PRKG2: variants seen among roughly 807,000 people sequenced by gnomAD.
PRKG2 encodes cGMP-dependent protein kinase 2.
PRKG2 carries 33 observed loss-of-function variants against 97.2 expected under a neutral mutation model. The observed-to-expected ratio is 0.34, with a 90% CI of 0.26 to 0.45. The LOEUF (loss-of-function observed/expected upper bound fraction) is 0.45, where lower values mean the gene tolerates loss of function less well. Ranked by LOEUF, PRKG2 falls within the 20% of genes least tolerant of loss-of-function variation. The pLI is 1.00. For missense variants in PRKG2, 638 were observed against 900.0 expected (o/e 0.71, Z 3.73); for synonymous variants, 330 against 321.8 (o/e 1.03, Z -0.27).
intron 8 of PRKG2, among the ~76,000 whole-genome samples, chr4:81,149,742 C>T (rs142992523): frequency 6.6e-6 from 1 of 152,170 alleles, no homozygotes; most frequent in Non-Finnish European, 1.5e-5. Flanking sequence ...ATCCACAAGG[C>T]ACCCAGTGCT....
intron 15 of PRKG2, 107 bp from the exon 16 acceptor site, chr4:81,106,042 C>A (rs1291495349): frequency 4.7e-6 from 6 of 1,284,836 alleles, no homozygotes; most frequent in South Asian, 1.5e-5. Flanking sequence ...TCTTTCATTT[C>A]TTCCTCTCTC....
rs1487551829 is a variant in PRKG2 at position 81,152,055 on chromosome 4, C to T, written c.991-1G>A. 1 of 1,603,474 alleles carries T rather than the reference C, an allele frequency of 6.2e-7. No homozygotes were observed. ...CTTCTGTGCTCTGTGTTACTTTTAC[C>T]TAAACAATGTTAAGCAATACAAACA... On this transcript the variant is annotated splice_acceptor_variant, in intron 7 of 18. Coordinates refer to ENST00000264399, the MANE Select transcript of PRKG2 (RefSeq NM_006259.3). LOFTEE classifies it high-confidence loss of function.
chr4:81,145,018 T>C (rs1286007592), intron 9 of PRKG2, among the ~76,000 whole-genome samples: 4 of 152,080 alleles, frequency 2.6e-5, no homozygotes, highest in African/African-American at 4.8e-5. Context: ...TGTTGGACAT[T>C]TGGGTTGGTT....
At chr4:81,127,059 G>T (rs1166917863) in intron 14 of PRKG2, among the ~76,000 whole-genome samples, 30 of 152,124 alleles carry the variant, frequency 2.0e-4, no homozygotes. Context: ...GTAAGGAAGG[G>T]GTCCAGTTTC....
At chr4:81,099,961 C>T (rs1420578219) in intron 17 of PRKG2, among the ~76,000 whole-genome samples, 2 of 152,068 alleles carry the variant, frequency 1.3e-5, no homozygotes, top group African/African-American at 2.4e-5. Context: ...CTCCCATTCA[C>T]AATTGCTTCA....
At chr4:81,110,717 T>C in intron 14 of PRKG2, 106 bp from the exon 15 acceptor site, 1 of 1,087,716 alleles carries the variant, frequency 9.2e-7, no homozygotes, top group Non-Finnish European at 1.4e-6. Context: ...CACCCTTCTT[T>C]TTATACCATG....
intron 2 of PRKG2, 68 bp from the exon 3 acceptor site, chr4:81,175,027 T>G: frequency 7.3e-7 from 1 of 1,372,556 alleles, no homozygotes; most frequent in Non-Finnish European, 9.9e-7. Context: ...TAGATTCACT[T>G]TATTCTGATT....
chr4:81,211,710 T>G (rs1022452943), intron 1 of PRKG2, among the ~76,000 whole-genome samples: 2 of 152,104 alleles, frequency 1.3e-5, no homozygotes, highest in African/African-American at 4.8e-5. Flanking sequence ...CACTATTTAA[T>G]GACTTGAACT....
intron 14 of PRKG2, among the ~76,000 whole-genome samples, chr4:81,127,034 A>T (rs987689810): frequency 6.6e-6 from 1 of 152,082 alleles, no homozygotes; most frequent in Non-Finnish European, 1.5e-5. Flanking sequence ...TCTTGAGTTA[A>T]TTTTTGTATA....
intron 1 of PRKG2, among the ~76,000 whole-genome samples, chr4:81,207,121 G>A (rs1164919447): frequency 6.6e-6 from 1 of 152,166 alleles, no homozygotes; most frequent in African/African-American, 2.4e-5. Context: ...GGACATACTT[G>A]TACCTTGAAT....
At chr4:81,180,015 C>T (rs1751270729) in intron 2 of PRKG2, among the ~76,000 whole-genome samples, 1 of 152,116 alleles carries the variant, frequency 6.6e-6, no homozygotes, top group Admixed American at 6.6e-5. Flanking sequence ...CACCTGTAAT[C>T]CCAGCTACTC....
chr4:81,141,208 A>G (rs1747251155), intron 11 of PRKG2, among the ~76,000 whole-genome samples: 1 of 151,980 alleles, frequency 6.6e-6, no homozygotes, highest in Non-Finnish European at 1.5e-5. Context: ...GTGGGGCCTC[A>G]CTATGTTGCT....
chr4:81,159,468 G>A (rs1324610973), intron 6 of PRKG2, among the ~76,000 whole-genome samples: 1 of 152,120 alleles, frequency 6.6e-6, no homozygotes, highest in African/African-American at 2.4e-5. Flanking sequence ...AACAGGTGCT[G>A]GAGAGGATGT....
intron 14 of PRKG2, among the ~76,000 whole-genome samples, chr4:81,134,935 C>T (rs1393984398): frequency 6.6e-6 from 1 of 151,896 alleles, no homozygotes; most frequent in Non-Finnish European, 1.5e-5. Flanking sequence ...TTATGTGAAC[C>T]TTCAGTAGGA....
intron 17 of PRKG2, among the ~76,000 whole-genome samples, chr4:81,103,116 G>A (rs1222569491): frequency 6.6e-6 from 1 of 152,114 alleles, no homozygotes; most frequent in Non-Finnish European, 1.5e-5. Flanking sequence ...AAACCTGAAG[G>A]TTTGAACCGC....
intron 14 of PRKG2, among the ~76,000 whole-genome samples, chr4:81,123,952 T>A (rs1389833546): frequency 6.6e-6 from 1 of 152,150 alleles, no homozygotes; most frequent in Non-Finnish European, 1.5e-5. Flanking sequence ...TTATTTCACC[T>A]TTTTTACATT....
In PRKG2 at chr4:81,113,312, C is replaced by T. The variant is rs1271865133; in HGVS notation, c.1777-2701G>A. 2.0e-5 allele frequency among the ~76,000 whole-genome samples: 3 copies of T among 151,920 alleles called. No individual in the cohort carries two copies. In the South Asian group the frequency reaches 6.3e-4, roughly 32 times the overall value. ...TCTAGGAGACAAGAAAATAGACACC[C>T]TCCCCTTTTTTTTCAAATTCTACTA... On this transcript the variant is annotated intron_variant, in intron 14 of 18. Transcript: ENST00000264399.
At chr4:81,119,071 A>T (rs972802137) in intron 14 of PRKG2, among the ~76,000 whole-genome samples, 7 of 152,242 alleles carry the variant, frequency 4.6e-5, no homozygotes, top group African/African-American at 1.7e-4. Flanking sequence ...TGCTAGGATT[A>T]CAGATATGTG....
chr4:81,105,944 A>T lies in PRKG2; in HGVS notation c.1941-9T>A. 1 of 1,611,690 alleles carries T rather than the reference A, an allele frequency of 6.2e-7. No individual in the cohort carries two copies. Among genetic ancestry groups the T allele is most frequent in the South Asian group, 1.1e-5 (1 of 90,222 alleles). ...CCCCAGAAAAGGGTGGGCTAGATAG[A>T]GAAAATCCAGAACAGGACACATTAA... On this transcript the variant is annotated splice_polypyrimidine_tract_variant and intron_variant, in intron 15 of 18. Transcript: ENST00000264399.
Sources: allele counts gnomAD v4.1 joint callset (sites outside exome capture counted in the v4.1 genomes callset), GRCh38; gene constraint gnomAD v4.1.1; transcripts MANE v1.5; gene names NCBI Gene and HGNC (gene_info 2026-07-23, HGNC 2026-07-21).